AUTS2: variants seen among roughly 807,000 people sequenced by gnomAD.
The protein encoded by AUTS2 is autism susceptibility gene 2 protein.
In AUTS2, 17 loss-of-function variants were observed where a neutral mutation model predicts 112.4. The ratio of observed to expected loss-of-function variants is 0.15; its 90% CI spans 0.10 to 0.23. The LOEUF (loss-of-function observed/expected upper bound fraction) is 0.23. Among genes scored for constraint, AUTS2 ranks in the 10% least tolerant of loss-of-function variants. AUTS2 has a pLI of 1.00. For missense variants in AUTS2, 1,510 were observed against 1,701.6 expected (o/e 0.89, Z 1.98); for synonymous variants, 751 against 702.7 (o/e 1.07, Z -1.09).
chr7:69,773,270 G>T (rs1223691981), intron 1 of AUTS2, among the ~76,000 whole-genome samples: 1 of 152,070 alleles, frequency 6.6e-6, no homozygotes, highest in Admixed American at 6.5e-5. Flanking sequence ...TATAATCCCA[G>T]CACTGTGGGA....
intron 1 of AUTS2, among the ~76,000 whole-genome samples, chr7:69,848,912 A>G (rs888500796): frequency 6.6e-6 from 1 of 152,162 alleles, no homozygotes; most frequent in Admixed American, 6.5e-5. Flanking sequence ...TATTGACTAA[A>G]TAATCTTCAG....
chr7:69,640,551 A>G (rs922359980), intron 1 of AUTS2, among the ~76,000 whole-genome samples: 1 of 152,252 alleles, frequency 6.6e-6, no homozygotes, highest in Non-Finnish European at 1.5e-5. Flanking sequence ...CCTTCCATAG[A>G]AAAATGCGGC....
In AUTS2 at chr7:70,422,066, A is replaced by G. The variant is rs181882899; in HGVS notation, c.661-13686A>G. Among the ~76,000 whole-genome samples, 548 of 152,346 alleles carry G rather than the reference A, an allele frequency of 3.6e-3. 4 individuals are homozygous for G. Among genetic ancestry groups the G allele is most frequent in the Non-Finnish European group, 5.2e-3 (352 of 68,028 alleles). On this transcript the variant is annotated intron_variant, in intron 4 of 18. Coordinates refer to ENST00000342771, the MANE Select transcript of AUTS2 (RefSeq NM_015570.4). ...AGTATGAGGAATTCTACAAAGGGCAAAAGTGAAGGCAGATACCCAATAAAG... is the reference window on the plus strand; with the variant it reads ...AGTATGAGGAATTCTACAAAGGGCAGAAGTGAAGGCAGATACCCAATAAAG...
intron 1 of AUTS2, among the ~76,000 whole-genome samples, chr7:69,789,149 A>G (rs1789505706): frequency 6.6e-6 from 1 of 152,184 alleles, no homozygotes; most frequent in Non-Finnish European, 1.5e-5. Flanking sequence ...AGAATGCAGC[A>G]TTTAAGGCCA....
At position 70,001,717 on chromosome 7, in the gene AUTS2, T is replaced by TTTTC. The variant is rs1359151950; in HGVS notation, c.522+102222_522+102223insCTTT. 2.9e-3 allele frequency among the ~76,000 whole-genome samples: 439 copies of TTTTC among 151,344 alleles called. 6 individuals are homozygous for TTTTC. Among genetic ancestry groups the TTTTC allele is most frequent in the African/African-American group, 0.01 (425 of 41,246 alleles). ...TTATAGCCTCATTGTCATATTTTTT[T>TTTTC]TTTTTTTTTTTTGAGACTGAGTTTC... On this transcript the variant is annotated intron_variant, in intron 2 of 18. Transcript: ENST00000342771.
intron 6 of AUTS2, among the ~76,000 whole-genome samples, chr7:70,724,795 A>G (rs1786929685): frequency 6.6e-6 from 1 of 152,228 alleles, no homozygotes; most frequent in South Asian, 2.1e-4. Flanking sequence ...GCATACTGCT[A>G]AAACTAGATT....
rs1173574122 is a variant in AUTS2 at position 70,415,773 on chromosome 7, G to A, written c.661-19979G>A. Among the ~76,000 whole-genome samples, 3 of 152,304 alleles carry A rather than the reference G, an allele frequency of 2.0e-5. No individual in the cohort carries two copies. In the East Asian group the frequency reaches 5.8e-4, roughly 29 times the overall value. On this transcript the variant is annotated intron_variant, in intron 4 of 18. Transcript: ENST00000342771. ...CGGGGAGAGCAAGTCAACGGTAACA[G>A]GGAAAAACAAGCCTTGTGTGGGTTG...
At chr7:70,502,994 A>G (rs1257515537) in intron 5 of AUTS2, among the ~76,000 whole-genome samples, 1 of 152,024 alleles carries the variant, frequency 6.6e-6, no homozygotes, top group Admixed American at 6.5e-5. Flanking sequence ...ACCAGTATCT[A>G]TCACCATCAC....
rs549690350 is a variant in AUTS2, at chr7:70,489,993, C to A, written c.690+54212C>A. 4.7e-4 allele frequency among the ~76,000 whole-genome samples: 72 copies of A among 152,262 alleles called. 1 individual carries two copies. In the Middle Eastern group the frequency reaches 0.01, roughly 22 times the overall value. ...AAATGAAAATGCAACACATCAAAAT[C>A]TGTGGCATGCAGCCAAAGCAATTCC... On this transcript the variant is annotated intron_variant, in intron 5 of 18. Coordinates refer to ENST00000342771, the MANE Select transcript of AUTS2 (RefSeq NM_015570.4).
chr7:69,665,464 G>A (rs868819919), intron 1 of AUTS2, among the ~76,000 whole-genome samples: 1 of 152,180 alleles, frequency 6.6e-6, no homozygotes, highest in African/African-American at 2.4e-5. Flanking sequence ...CAGGTTTAAA[G>A]CTGTAGGAGT....
At chr7:69,620,371 T>A (rs998855272) in intron 1 of AUTS2, among the ~76,000 whole-genome samples, 1 of 152,226 alleles carries the variant, frequency 6.6e-6, no homozygotes, top group African/African-American at 2.4e-5. Flanking sequence ...TGGGCACTGA[T>A]GAATACCGTC....
intron 1 of AUTS2, among the ~76,000 whole-genome samples, chr7:69,666,696 G>A (rs1280937599): frequency 6.6e-6 from 1 of 152,094 alleles, no homozygotes; most frequent in East Asian, 1.9e-4. Context: ...GAGCTCAGGA[G>A]TTCCAGACCA....
At chr7:70,111,172 C>T (rs1805070711) in intron 2 of AUTS2, among the ~76,000 whole-genome samples, 1 of 152,186 alleles carries the variant, frequency 6.6e-6, no homozygotes, top group Non-Finnish European at 1.5e-5. Flanking sequence ...AGCCACCGCG[C>T]CCAGCCCTAA....
At chr7:70,461,930 T>A (rs993707259) in intron 5 of AUTS2, among the ~76,000 whole-genome samples, 1 of 152,148 alleles carries the variant, frequency 6.6e-6, no homozygotes, top group African/African-American at 2.4e-5. Context: ...AGAGTTGATT[T>A]GAGAAAGTGT....
chr7:70,326,549 G>C (rs959759612), intron 4 of AUTS2, among the ~76,000 whole-genome samples: 3 of 152,200 alleles, frequency 2.0e-5, no homozygotes, highest in Non-Finnish European at 4.4e-5. Flanking sequence ...CAGCTGACTT[G>C]GGCTAAGGTT....
At chr7:69,751,325 T>C (rs957600939) in intron 1 of AUTS2, among the ~76,000 whole-genome samples, 2 of 152,210 alleles carry the variant, frequency 1.3e-5, no homozygotes, top group Admixed American at 6.5e-5. Flanking sequence ...TTTCCATTTG[T>C]TGCATGATTT....
At chr7:70,497,488 A>G (rs956081488) in intron 5 of AUTS2, among the ~76,000 whole-genome samples, 2 of 152,228 alleles carry the variant, frequency 1.3e-5, no homozygotes, top group Non-Finnish European at 2.9e-5. Context: ...TTGTTATGTA[A>G]CTGAGAATAC....
intron 6 of AUTS2, among the ~76,000 whole-genome samples, chr7:70,700,352 CT>C (rs1373584691): frequency 1.3e-5 from 2 of 152,158 alleles, no homozygotes; most frequent in Non-Finnish European, 2.9e-5. Flanking sequence ...TCAACATAGG[CT>C]TTTTCTAAGC....
rs1426012169 is a variant in AUTS2 at position 69,599,683 on chromosome 7, C to T, written c.30C>T (p.Leu10=). 3.0e-6 allele frequency: 4 copies of T among 1,327,082 alleles called. No homozygotes were observed. In the African/African-American group the frequency reaches 4.6e-5, roughly 15 times the overall value. The allele number at this position is 1,327,082 out of a possible 1,614,324, so 82.2% of individuals were successfully genotyped here. A position where few individuals can be genotyped will look rare whatever the true frequency, so the allele number is the denominator to read the frequency against. ...ATGGCCCGACGCGGGGCCATGGACT[C>T]CGCAAAAAGCGGCGGTCGCGGTCGC... MDGPTRGHG[L]RKKRRSRSQR... is the part of the protein sequence containing the mutation. The change falls in exon 1 of 19, where the codon CTC becomes CTT. Residue 10 remains leucine (L), a synonymous_variant. Coordinates refer to ENST00000342771, the MANE Select transcript of AUTS2 (RefSeq NM_015570.4). The surrounding 1 kb of genome is among the most constrained non-coding windows in gnomAD (Gnocchi z 7.0).
Sources: gnomAD v4.1 joint callset for allele counts (sites outside exome capture counted in the v4.1 genomes callset) on GRCh38, gnomAD v4.1.1 for gene constraint, Gnocchi (gnomAD v3.1) non-coding constraint, MANE v1.5 for transcripts, NCBI Gene and HGNC (gene_info 2026-07-23, HGNC 2026-07-21) for gene names.